Variants in WDR72 observed in about 807,000 individuals in gnomAD.
WDR72 encodes WD repeat-containing protein 72.
WDR72 carries 120 observed loss-of-function variants against 124.2 expected under a neutral mutation model. That is an observed-to-expected ratio of 0.97 (90% CI 0.83 to 1.12). The LOEUF (loss-of-function observed/expected upper bound fraction) is 1.12, where lower values mean the gene tolerates loss of function less well. Among genes scored for constraint, WDR72 ranks in the 50% most tolerant of loss-of-function variants. WDR72 has a pLI of 0.00. For synonymous variants in WDR72, 452 were observed against 441.7 expected (o/e 1.02, Z -0.29); for missense variants, 1,387 against 1,278.8 (o/e 1.08, Z -1.29).
chr15:53,582,674 AT>A (rs920471722), intron 18 of WDR72, among the ~76,000 whole-genome samples: 1 of 152,036 alleles, frequency 6.6e-6, no homozygotes, highest in Non-Finnish European at 1.5e-5. Flanking sequence ...ACTGCTAAAT[AT>A]AAAAATGATT....
At chr15:53,676,924 C>CT (rs544909977) in intron 13 of WDR72, among the ~76,000 whole-genome samples, 31,508 of 135,498 alleles carry the variant, frequency 0.23, 3,770 homozygotes, top group East Asian at 0.28. Flanking sequence ...GAAATTCTTG[C>CT]TTTTTTTTTT....
intron 17 of WDR72, among the ~76,000 whole-genome samples, chr15:53,600,309 AT>A (rs778433792): frequency 5.9e-5 from 9 of 152,190 alleles, no homozygotes; most frequent in Non-Finnish European, 1.3e-4. Context: ...CTCCAAAAAA[AT>A]ATAAAATGTT....
At chr15:53,694,018 C>A (rs987049013) in intron 13 of WDR72, among the ~76,000 whole-genome samples, 1 of 152,150 alleles carries the variant, frequency 6.6e-6, no homozygotes, top group African/African-American at 2.4e-5. Flanking sequence ...TTTCTACCTA[C>A]TAATTGGTCA....
intron 19 of WDR72, among the ~76,000 whole-genome samples, chr15:53,519,353 T>TAAAG (rs1206959667): frequency 6.6e-6 from 1 of 151,992 alleles, no homozygotes; most frequent in Non-Finnish European, 1.5e-5. Flanking sequence ...AACCAGGCCT[T>TAAAG]AAAGAGCCAA....
chr15:53,655,684 G>A (rs900868932), intron 14 of WDR72, among the ~76,000 whole-genome samples: 8 of 151,404 alleles, frequency 5.3e-5, no homozygotes, highest in Non-Finnish European at 1.2e-4. Flanking sequence ...TAATGAAGGT[G>A]AGCAGGACTT....
chr15:53,573,552 T>C (rs913091310), intron 18 of WDR72, among the ~76,000 whole-genome samples: 1 of 152,066 alleles, frequency 6.6e-6, no homozygotes, highest in Non-Finnish European at 1.5e-5. Context: ...TCTTTTCTTT[T>C]TTTTTTTTTC....
chr15:53,564,042 T>G (rs1441903589), intron 18 of WDR72, among the ~76,000 whole-genome samples: 2 of 151,912 alleles, frequency 1.3e-5, no homozygotes, highest in Non-Finnish European at 2.9e-5. Flanking sequence ...CTTCTGAAGA[T>G]TAATTTATAC....
chr15:53,602,145 A>T (rs1412950986), intron 17 of WDR72, among the ~76,000 whole-genome samples: 1 of 152,182 alleles, frequency 6.6e-6, no homozygotes, highest in Non-Finnish European at 1.5e-5. Context: ...AGTCACCAGG[A>T]CCACAGCACA....
intron 14 of WDR72, among the ~76,000 whole-genome samples, chr15:53,623,869 A>G (rs1555415295): frequency 1.3e-5 from 2 of 152,172 alleles, no homozygotes; most frequent in South Asian, 2.1e-4. Flanking sequence ...ATGTTTAATC[A>G]TAGCCATCCT....
At chr15:53,736,866 A>G (rs2018369757) in intron 1 of WDR72, among the ~76,000 whole-genome samples, 1 of 152,150 alleles carries the variant, frequency 6.6e-6, no homozygotes, top group Non-Finnish European at 1.5e-5. Context: ...TATATTGCTT[A>G]TTTATAACAG....
Position 53,715,334 on chromosome 15 carries a change from C to T in WDR72, c.373G>A (p.Gly125Ser), listed in dbSNP as rs1388421234. 3 of 1,614,166 alleles carry T rather than the reference C, an allele frequency of 1.9e-6. No individual in the cohort carries two copies. The highest frequency in any genetic ancestry group is 1.7e-5 in the Admixed American group (1 of 60,026). Residue 125 changes from glycine (G) to serine (S), a missense_variant, in exon 5 of 20, where the codon GGC becomes AGC. Gly to Ser is a moderately conservative substitution (Grantham distance 56). Transcript: ENST00000360509. ...YHCSFRMTGEGWLLCCGEYQD... is the reference protein window; with the variant it reads ...YHCSFRMTGESWLLCCGEYQD... ...TATTCTCCACAACAAAGAAGCCAGC[C>T]TTCTCCTGTCATCCGGAATGAGCAG... is the stretch of plus-strand genomic sequence containing the variant.
chr15:53,529,207 A>G (rs1328459508), intron 18 of WDR72, among the ~76,000 whole-genome samples: 1 of 147,420 alleles, frequency 6.8e-6, no homozygotes, highest in Non-Finnish European at 1.5e-5. Context: ...ATTTCATTAA[A>G]GAGGTGAACT....
chr15:53,590,560 G>C (rs889929501), intron 18 of WDR72, among the ~76,000 whole-genome samples: 22 of 151,962 alleles, frequency 1.4e-4, no homozygotes, highest in African/African-American at 5.3e-4. Flanking sequence ...TCATACAGAA[G>C]GCACTTGGTA....
chr15:53,743,962 G>A (rs1156766375), intron 1 of WDR72, among the ~76,000 whole-genome samples: 1 of 141,720 alleles, frequency 7.1e-6, no homozygotes, highest in Non-Finnish European at 1.5e-5. Context: ...GCGACAGAGC[G>A]AGACTCGTCT....
intron 1 of WDR72, among the ~76,000 whole-genome samples, chr15:53,738,325 C>CA (rs147649824): frequency 0.011 from 1,690 of 151,938 alleles, 32 homozygotes; most frequent in African/African-American, 0.039. Flanking sequence ...ACAATGTAGA[C>CA]AAAACCATAT....
At chr15:53,757,521 G>A (rs113569641) in intron 1 of WDR72, among the ~76,000 whole-genome samples, 2,245 of 152,082 alleles carry the variant, frequency 0.015, 56 homozygotes, top group African/African-American at 0.052. Flanking sequence ...TACTGGAGAG[G>A]CTGAGGCAGG....
At chr15:53,665,884 T>A in intron 13 of WDR72, 116 bp from the exon 14 acceptor site, 1 of 1,018,712 alleles carries the variant, frequency 9.8e-7, no homozygotes, top group Non-Finnish European at 1.5e-6. Flanking sequence ...CGTGCCTTAG[T>A]ATCTTGCAAC....
chr15:53,668,262 G>A (rs1338923581), intron 13 of WDR72, among the ~76,000 whole-genome samples: 2 of 152,158 alleles, frequency 1.3e-5, no homozygotes, highest in African/African-American at 4.8e-5. Flanking sequence ...TTGTTTTGAA[G>A]AACTGATTAA....
intron 14 of WDR72, among the ~76,000 whole-genome samples, chr15:53,629,884 T>C (rs376623839): frequency 2.0e-5 from 3 of 152,134 alleles, no homozygotes; most frequent in East Asian, 1.9e-4. Context: ...CCCCACAAAA[T>C]TGGCAATATT....
Sources: allele counts gnomAD v4.1 joint callset (sites outside exome capture counted in the v4.1 genomes callset), GRCh38; gene constraint gnomAD v4.1.1; transcripts MANE v1.5; gene names NCBI Gene and HGNC (gene_info 2026-07-23, HGNC 2026-07-21).